The following ARFGAP3 variants were observed in gnomAD, a reference collection of about 807,000 sequenced individuals.
ARFGAP3 encodes ARF GTPase activating protein 3.
A neutral mutation model predicts 75.0 loss-of-function variants in ARFGAP3; 72 were observed. The ratio of observed to expected loss-of-function variants is 0.96; its 90% CI spans 0.79 to 1.17. The LOEUF (loss-of-function observed/expected upper bound fraction) is 1.17, where lower values mean the gene tolerates loss of function less well. Among genes scored for constraint, ARFGAP3 ranks in the 50% most tolerant of loss-of-function variants. The pLI, the probability that ARFGAP3 is intolerant of heterozygous loss-of-function variation, is 0.00. For missense variants in ARFGAP3, 620 were observed against 626.6 expected, an observed-to-expected ratio of 0.99 and a Z score of 0.11; for synonymous variants, 221 against 217.9, an observed-to-expected ratio of 1.01 and a Z score of -0.13.
intron 9 of ARFGAP3, among the ~76,000 whole-genome samples, chr22:42,820,900 T>A (rs2146545592): frequency 6.6e-6 from 1 of 152,312 alleles, no homozygotes; most frequent in East Asian, 1.9e-4. Flanking sequence ...CCCCTCTTCC[T>A]GGCCTGGGTA....
chr22:42,837,675 CTTTTT>C (rs71186547), intron 3 of ARFGAP3, among the ~76,000 whole-genome samples: 4 of 75,662 alleles, frequency 5.3e-5, no homozygotes, highest in Non-Finnish European at 8.6e-5. Context: ...AGGCATACTT[CTTTTT>C]TTTTTTTTTT....
chr22:42,799,267 CCTG>C (rs1379778402), intron 14 of ARFGAP3, 107 bp from the exon 15 acceptor site: 2 of 1,533,012 alleles, frequency 1.3e-6, no homozygotes, highest in Non-Finnish European at 1.8e-6. Context: ...TCTCTCCCCT[CCTG>C]CTGCCTCACA....
chr22:42,847,023 C>T lies in ARFGAP3; in HGVS notation c.188+491G>A, dbSNP rs186635349. Among the ~76,000 whole-genome samples the T allele has an allele frequency of 4.1e-3, 620 of 152,300 alleles. 3 individuals are homozygous for T. Among genetic ancestry groups the T allele is most frequent in the African/African-American group, 0.014 (602 of 41,570 alleles). ...AGCATCGCCTAGTGAGAACGCTGAG[C>T]GTGCTAGCTCAGGTCTCTCCTCCTT... On this transcript the variant is annotated intron_variant, in intron 2 of 15. Transcript: ENST00000263245.
In ARFGAP3 at chr22:42,835,552, T is replaced by G. The variant is rs187500332; in HGVS notation, c.262-59A>C. 11 of 1,590,960 alleles carry G rather than the reference T, an allele frequency of 6.9e-6. No homozygotes were observed. The African/African-American group carries it at 1.1e-4, about 16-fold the overall frequency. Reference sequence around the variant, plus strand: ...TAAAACTACGTATGGCCAGGCGCAGTGGCTCATGCCTGTAATCCCAGCACT... The same window carrying G: ...TAAAACTACGTATGGCCAGGCGCAGGGGCTCATGCCTGTAATCCCAGCACT... On this transcript the variant is annotated intron_variant, in intron 3 of 15. Transcript: ENST00000263245.
chr22:42,842,235 C>A (rs375040538), intron 2 of ARFGAP3, among the ~76,000 whole-genome samples: 1 of 151,420 alleles, frequency 6.6e-6, no homozygotes, highest in African/African-American at 2.4e-5. Context: ...AAACTCCCGA[C>A]CTTAGGTGAT....
intron 11 of ARFGAP3, 90 bp from the exon 12 acceptor site, chr22:42,811,034 T>C (rs1042479572): frequency 6.5e-7 from 1 of 1,530,200 alleles, no homozygotes; most frequent in Non-Finnish European, 8.7e-7. Context: ...GGGGGATGCC[T>C]CCTTGAAGTT....
intron 13 of ARFGAP3, among the ~76,000 whole-genome samples, chr22:42,808,422 A>G (rs1925222405): frequency 6.6e-6 from 1 of 152,004 alleles, no homozygotes; most frequent in African/African-American, 2.4e-5. Flanking sequence ...AAACATATCT[A>G]TGTGCTTCAT....
chr22:42,835,270 G>C, intron 4 of ARFGAP3, 92 bp downstream of exon 4: 1 of 1,434,694 alleles, frequency 7.0e-7, no homozygotes, highest in Non-Finnish European at 9.5e-7. Flanking sequence ...AGACAACTCA[G>C]GTAGAAAAGT....
intron 7 of ARFGAP3, among the ~76,000 whole-genome samples, chr22:42,825,895 T>C (rs1458366252): frequency 6.6e-6 from 1 of 152,140 alleles, no homozygotes; most frequent in Non-Finnish European, 1.5e-5. Flanking sequence ...AGAATGTGCT[T>C]TGATAGGAAA....
At chr22:42,801,178 C>A (rs991435804) in intron 14 of ARFGAP3, among the ~76,000 whole-genome samples, 2 of 152,246 alleles carry the variant, frequency 1.3e-5, no homozygotes. Flanking sequence ...GGCTGAGCGT[C>A]CTCAGGAGGC....
chr22:42,838,125 TTGGATCCAATTTAAA>T (rs1926610129), intron 3 of ARFGAP3, among the ~76,000 whole-genome samples: 3 of 151,834 alleles, frequency 2.0e-5, no homozygotes, highest in African/African-American at 7.3e-5. Flanking sequence ...TAGGGAAACA[TTGGATCCAATTTAAA>T]TGGAAAATTA....
At chr22:42,857,064 C>A in intron 1 of ARFGAP3, 50 bp downstream of exon 1, 1 of 1,469,036 alleles carries the variant, frequency 6.8e-7, no homozygotes. Flanking sequence ...GGCCTCCCGC[C>A]GGTTCCCGCA....
At chr22:42,832,966 CAA>C (rs1397210610) in intron 5 of ARFGAP3, among the ~76,000 whole-genome samples, 1 of 138,310 alleles carries the variant, frequency 7.2e-6, no homozygotes, top group Non-Finnish European at 1.6e-5. Context: ...GCCTGGGAAA[CAA>C]GAGGGAAAAC....
At chr22:42,831,350 T>G (rs2146560272) in intron 6 of ARFGAP3, among the ~76,000 whole-genome samples, 199 bp downstream of exon 6, 1 of 151,734 alleles carries the variant, frequency 6.6e-6, no homozygotes, top group South Asian at 2.1e-4. Flanking sequence ...AGTTTTTTTT[T>G]TTTTTGATAG....
intron 5 of ARFGAP3, among the ~76,000 whole-genome samples, chr22:42,832,035 G>A (rs1249176539): frequency 2.6e-5 from 4 of 151,594 alleles, no homozygotes; most frequent in East Asian, 1.9e-4. Context: ...CTCCCACCTC[G>A]GCCTCCCAAA....
chr22:42,823,580 A>G (rs1925904903), intron 8 of ARFGAP3, 76 bp downstream of exon 8: 2 of 1,092,890 alleles, frequency 1.8e-6, no homozygotes, highest in Non-Finnish European at 2.6e-6. Context: ...AAAGAATAAA[A>G]CTAAAATGAC....
chr22:42,847,340 T>A (rs1437066870), intron 2 of ARFGAP3, 174 bp downstream of exon 2: 1 of 561,776 alleles, frequency 1.8e-6, no homozygotes, highest in African/African-American at 1.9e-5. Flanking sequence ...ACATTTTTTA[T>A]TTTTTGTAGA....
At chr22:42,841,346 T>C (rs1926772144) in intron 2 of ARFGAP3, among the ~76,000 whole-genome samples, 1 of 152,198 alleles carries the variant, frequency 6.6e-6, no homozygotes. Context: ...TTGAAACAGA[T>C]GCACTGTTTG....
chr22:42,842,055 A>G (rs1485709401), intron 2 of ARFGAP3, among the ~76,000 whole-genome samples: 1 of 125,664 alleles, frequency 8.0e-6, no homozygotes, highest in Non-Finnish European at 1.6e-5. Flanking sequence ...CCCCGGCTGG[A>G]GTGCAATGGT....
Sources: allele counts gnomAD v4.1 joint callset (sites outside exome capture counted in the v4.1 genomes callset), GRCh38; gene constraint gnomAD v4.1.1; transcripts MANE v1.5; gene names NCBI Gene and HGNC (gene_info 2026-07-23, HGNC 2026-07-21).